Variants in NNT observed in about 807,000 individuals in gnomAD.
The protein encoded by NNT is nicotinamide nucleotide transhydrogenase.
A neutral mutation model predicts 104.8 loss-of-function variants in NNT; 50 were observed. That is an observed-to-expected ratio of 0.48 (90% confidence interval 0.38 to 0.60). The LOEUF (loss-of-function observed/expected upper bound fraction) is 0.60. Among genes scored for constraint, NNT ranks in the 20% least tolerant of loss-of-function variants. The pLI is 0.00. For synonymous variants in NNT, 461 were observed against 490.4 expected (o/e 0.94, Z 0.79); for missense variants, 1,131 against 1,330.7 (o/e 0.85, Z 2.33).
chr5:43,656,094 T>C (rs371352942), intron 15 of NNT, 21 bp downstream of exon 15: 261 of 1,568,974 alleles, frequency 1.7e-4, no homozygotes, highest in Non-Finnish European at 2.2e-4. Context: ...CAGCATAACA[T>C]AGAGGTAAAT....
At chr5:43,685,494 A>T (rs74870903) in intron 19 of NNT, among the ~76,000 whole-genome samples, 1,920 of 152,148 alleles carry the variant, frequency 0.013, 21 homozygotes, top group African/African-American at 0.04. Context: ...TATTTTTTTT[A>T]AAAAAATCTG....
At chr5:43,626,125 A>G (rs1750348200) in intron 6 of NNT, among the ~76,000 whole-genome samples, 2 of 151,658 alleles carry the variant, frequency 1.3e-5, no homozygotes, top group Non-Finnish European at 3.0e-5. Flanking sequence ...TCCATGTTCT[A>G]TTATCTGTGG....
chr5:43,644,377 TG>T (rs752349007), intron 8 of NNT, 52 bp downstream of exon 8: 83 of 1,570,364 alleles, frequency 5.3e-5, no homozygotes, highest in Non-Finnish European at 7.0e-5. Flanking sequence ...TCTTGAGTTA[TG>T]GGGGGGTGTT....
At chr5:43,682,884 A>T (rs932254268) in intron 19 of NNT, among the ~76,000 whole-genome samples, 1 of 152,244 alleles carries the variant, frequency 6.6e-6, no homozygotes, top group African/African-American at 2.4e-5. Flanking sequence ...TCCTGGTCTT[A>T]TGGAATTTAC....
Position 43,700,203 on chromosome 5 carries a change from G to A in NNT, c.2961G>A (p.Val987=), listed in dbSNP as rs762639524. The A allele has an allele frequency of 5.0e-6, 8 of 1,613,524 alleles. No homozygotes were observed. In the East Asian group the frequency reaches 1.8e-4, roughly 36 times the overall value. The part of the protein sequence containing the change: ...LAEAGVPYDI[V]LEMDEINHDF... Reference sequence around the variant, plus strand: ...AGGCTGGTGTGCCATATGACATTGTGTTGGAAATGGATGAGATCAACCATG... The same window carrying A: ...AGGCTGGTGTGCCATATGACATTGTATTGGAAATGGATGAGATCAACCATG... Residue 987 remains valine (V), a synonymous_variant, in exon 20 of 22, where the codon GTG becomes GTA. Coordinates refer to ENST00000344920, the MANE Select transcript of NNT (RefSeq NM_182977.3).
intron 1 of NNT, among the ~76,000 whole-genome samples, chr5:43,607,798 A>T (rs192817521): frequency 9.1e-4 from 138 of 152,234 alleles, no homozygotes; most frequent in Admixed American, 2.4e-3. Context: ...TGGAGTCTGG[A>T]AGAACATTTA....
chr5:43,629,859 T>G (rs1350372430), intron 7 of NNT, among the ~76,000 whole-genome samples: 1 of 152,246 alleles, frequency 6.6e-6, no homozygotes, highest in East Asian at 1.9e-4. Context: ...TTGAGTTCCT[T>G]GTAGATTCTG....
intron 19 of NNT, among the ~76,000 whole-genome samples, chr5:43,693,435 C>T (rs1359769011): frequency 2.0e-5 from 3 of 152,102 alleles, no homozygotes; most frequent in Non-Finnish European, 4.4e-5. Context: ...TTTCTTATTG[C>T]TGCTGTAAAA....
At chr5:43,704,163 G>T in intron 21 of NNT, 92 bp from the exon 22 acceptor site, 1 of 1,144,716 alleles carries the variant, frequency 8.7e-7, no homozygotes, top group Non-Finnish European at 1.2e-6. Flanking sequence ...TACATGCCTT[G>T]TTCAAAGGTA....
intron 7 of NNT, among the ~76,000 whole-genome samples, chr5:43,639,916 G>A (rs1751133374): frequency 1.3e-5 from 2 of 150,794 alleles, no homozygotes; most frequent in African/African-American, 4.9e-5. Flanking sequence ...CTGTCACAGT[G>A]ACTGATTTTT....
At position 43,610,432 on chromosome 5, in the gene NNT, G is replaced by A. The variant is rs147359637; in HGVS notation, c.151+1086G>A. On this transcript the variant is annotated intron_variant, in intron 2 of 21. Transcript: ENST00000344920. The stretch of plus-strand genomic sequence containing the variant: ...GGACATTTTGCTGTAAGGGAGACTT[G>A]GACATTTTGTCTTTTATTCTAGATG... Among the ~76,000 whole-genome samples, 77 of 152,080 alleles carry A rather than the reference G, an allele frequency of 5.1e-4. 1 individual carries two copies. Among genetic ancestry groups the A allele is most frequent in the Middle Eastern group, 6.8e-3 (2 of 294 alleles).
rs1277270546 is a variant in NNT at position 43,707,205 on chromosome 5, A to T, written c.*2801A>T. 1 of 151,958 alleles carries T rather than the reference A, an allele frequency of 6.6e-6. No individual in the cohort carries two copies. The highest frequency in any genetic ancestry group is 1.5e-5 in the Non-Finnish European group (1 of 67,976). The allele number at this position is 151,958 out of a possible 1,614,324, so 9.4% of individuals were successfully genotyped here. A position where few individuals can be genotyped will look rare whatever the true frequency, so the allele number is the denominator to read the frequency against. On this transcript the variant is annotated 3_prime_UTR_variant, in exon 22 of 22. Transcript: ENST00000344920. ...TCTTTCCCATTAAAAAAATAAAGAAATTTTGGGGTAAAAAAACACAATATA... is the reference window on the plus strand; with the variant it reads ...TCTTTCCCATTAAAAAAATAAAGAATTTTTGGGGTAAAAAAACACAATATA...
chr5:43,692,604 G>A (rs974008655), intron 19 of NNT, among the ~76,000 whole-genome samples: 2 of 152,182 alleles, frequency 1.3e-5, no homozygotes, highest in African/African-American at 4.8e-5. Context: ...AATTACAGGC[G>A]TGAGCCACTG....
chr5:43,621,119 A>G (rs1418389946), intron 5 of NNT, among the ~76,000 whole-genome samples: 10 of 152,218 alleles, frequency 6.6e-5, no homozygotes, highest in Non-Finnish European at 2.9e-5. Flanking sequence ...TTTCCTTTAA[A>G]CATGGAGGGT....
intron 19 of NNT, among the ~76,000 whole-genome samples, chr5:43,678,046 A>T (rs1741513266): frequency 6.6e-6 from 1 of 152,254 alleles, no homozygotes; most frequent in Non-Finnish European, 1.5e-5. Context: ...TGTATATTAT[A>T]TGTATTAAAT....
At chr5:43,670,914 G>A (rs1215171382) in intron 17 of NNT, among the ~76,000 whole-genome samples, 1 of 151,962 alleles carries the variant, frequency 6.6e-6, no homozygotes, top group African/African-American at 2.4e-5. Context: ...TTGTATGGGA[G>A]TCTAAGTCTC....
At chr5:43,702,865 A>AGC in intron 21 of NNT, 129 bp downstream of exon 21, 4 of 608,626 alleles carry the variant, frequency 6.6e-6, no homozygotes, top group Non-Finnish European at 1.1e-5. Context: ...GAGCATGTTT[A>AGC]GGGCCCAGTT....
rs556122133 is a variant in NNT at position 43,706,086 on chromosome 5, TTATA to T, written c.*1688_*1691del. ...TTTTTGTCATAGTAAAAATTTTAAT[TTATA>T]TATATTTTTATTTAGTATTATCTTA... On this transcript the variant is annotated 3_prime_UTR_variant, in exon 22 of 22. Transcript: ENST00000344920. 3.3e-5 allele frequency: 5 copies of T among 151,644 alleles called. No homozygotes were observed. The highest frequency in any genetic ancestry group is 1.2e-4 in the African/African-American group (5 of 41,522). The allele number at this position is 151,644 out of a possible 1,614,324, so 9.4% of individuals were successfully genotyped here. A position where few individuals can be genotyped will look rare whatever the true frequency, so the allele number is the denominator to read the frequency against.
chr5:43,636,052 A>T (rs1186789375), intron 7 of NNT, among the ~76,000 whole-genome samples: 2 of 152,184 alleles, frequency 1.3e-5, no homozygotes, highest in African/African-American at 2.4e-5. Flanking sequence ...TTAGAGCCAG[A>T]TAGAGTAGAT....
Sources: allele counts gnomAD v4.1 joint callset (sites outside exome capture counted in the v4.1 genomes callset), GRCh38; gene constraint gnomAD v4.1.1; transcripts MANE v1.5; gene names NCBI Gene and HGNC (gene_info 2026-07-23, HGNC 2026-07-21).